The following DYNC2H1 variants were observed in gnomAD, a reference collection of about 807,000 sequenced individuals.
The protein encoded by DYNC2H1 is cytoplasmic dynein 2 heavy chain 1.
A neutral mutation model predicts 570.0 loss-of-function variants in DYNC2H1; 410 were observed. The ratio of observed to expected loss-of-function variants is 0.72; its 90% CI spans 0.66 to 0.78. The LOEUF is 0.78. DYNC2H1 is among the 30% of genes least tolerant of loss of function. The probability of loss-of-function intolerance (pLI) is 0.00; values close to 1 mark genes in which losing one functional copy is unlikely to be tolerated. For synonymous variants in DYNC2H1, 1,688 were observed against 1,677.6 expected, an observed-to-expected ratio of 1.01 and a Z score of -0.15; for missense variants, 4,865 against 5,046.4, an observed-to-expected ratio of 0.96 and a Z score of 1.09.
chr11:103,396,258 T>G (rs11225765), intron 83 of DYNC2H1, among the ~76,000 whole-genome samples: 28,392 of 152,136 alleles, frequency 0.19, 2,971 homozygotes, highest in African/African-American at 0.26. Flanking sequence ...CAAGTGATAA[T>G]CTAGTTGAGA....
rs1370923890 is a variant in DYNC2H1 at position 103,228,631 on chromosome 11, G to A, written c.9354-2629G>A. Reference sequence around the variant, plus strand: ...GAACTCTGTGATGGTCATTGGTTGTGTTTTTGTTTAGTGTGCTGGTTTTGT... The same window carrying A: ...GAACTCTGTGATGGTCATTGGTTGTATTTTTGTTTAGTGTGCTGGTTTTGT... On this transcript the variant is annotated intron_variant, in intron 59 of 88. Transcript: ENST00000375735. This position sits in a 1 kb window ranked among gnomAD's most constrained non-coding sequence, Gnocchi z 6.1. 2.6e-5 allele frequency among the ~76,000 whole-genome samples: 4 copies of A among 152,078 alleles called. No homozygotes were observed. Among genetic ancestry groups the A allele is most frequent in the Non-Finnish European group, 5.9e-5 (4 of 68,004 alleles).
rs1214801816 is a variant in DYNC2H1 at position 103,199,458 on chromosome 11, C to T, written c.8070C>T (p.Phe2690=). 1 of 1,574,228 alleles carries T rather than the reference C, an allele frequency of 6.4e-7. No homozygotes were observed. The highest frequency in any genetic ancestry group is 1.4e-5 in the African/African-American group (1 of 73,894). The part of the protein sequence containing the change: ...KISRGYELKQ[F]KNDLKHVLQL... ...CCAGAGGATATGAACTGAAGCAGTT[C>T]AAAAATGATCTCAAACATGTGAGTT... is the stretch of plus-strand genomic sequence containing the variant. Residue 2690 remains phenylalanine, a synonymous_variant, in exon 49 of 89, where the codon TTC becomes TTT. Coordinates refer to ENST00000375735, the MANE Select transcript of DYNC2H1 (RefSeq NM_001377.3). This position sits in a 1 kb window ranked among gnomAD's most constrained non-coding sequence, Gnocchi z 4.6.
chr11:103,370,188 T>C (rs955140004), intron 83 of DYNC2H1, among the ~76,000 whole-genome samples: 4 of 152,242 alleles, frequency 2.6e-5, no homozygotes, highest in Admixed American at 6.5e-5. Context: ...AGAGGCTCCT[T>C]ATGAGCCTGT....
chr11:103,223,988 C>T (rs1863701491), intron 59 of DYNC2H1, among the ~76,000 whole-genome samples: 1 of 151,918 alleles, frequency 6.6e-6, no homozygotes, highest in South Asian at 2.1e-4. Context: ...CCTAGTGATC[C>T]GCCCACCTCC....
intron 60 of DYNC2H1, among the ~76,000 whole-genome samples, chr11:103,231,572 A>T (rs1277345307): frequency 7.9e-6 from 1 of 126,980 alleles, no homozygotes; most frequent in Non-Finnish European, 1.7e-5. Context: ...TGCAAATGTT[A>T]TACTCAAGTT....
intron 65 of DYNC2H1, among the ~76,000 whole-genome samples, chr11:103,251,832 G>C (rs1184784478): frequency 6.6e-6 from 1 of 152,058 alleles, no homozygotes; most frequent in African/African-American, 2.4e-5. Flanking sequence ...ACATGTTATG[G>C]CAAATGGCAG....
At chr11:103,141,229 CTT>C (rs1173858973) in intron 17 of DYNC2H1, among the ~76,000 whole-genome samples, 2 of 152,254 alleles carry the variant, frequency 1.3e-5, no homozygotes, top group African/African-American at 4.8e-5. Context: ...CTCCGTCCAG[CTT>C]TGTTCCGTTA....
chr11:103,171,989 G>A (rs1048602482), intron 34 of DYNC2H1, among the ~76,000 whole-genome samples: 4 of 152,092 alleles, frequency 2.6e-5, no homozygotes, highest in Admixed American at 6.6e-5. Flanking sequence ...TACAGAAAAC[G>A]TAAACTTTTT....
intron 88 of DYNC2H1, among the ~76,000 whole-genome samples, chr11:103,478,346 A>G (rs181420994): frequency 1.6e-3 from 244 of 152,342 alleles, no homozygotes; most frequent in African/African-American, 5.1e-3. Flanking sequence ...CCTGCTTGGA[A>G]TAAGGAATGA....
Position 103,113,516 on chromosome 11 carries a change from A to T in DYNC2H1, c.196-21A>T, listed in dbSNP as rs563660804. On this transcript the variant is annotated intron_variant, in intron 1 of 88. Transcript: ENST00000375735. ...TATTAAATTTTATGAAGATAACATT[A>T]AAAATCATTTATCACTTTAGATTGA... 42 of 1,487,488 alleles carry T rather than the reference A, an allele frequency of 2.8e-5. No homozygotes were observed. In the African/African-American group the frequency reaches 5.6e-4, roughly 20 times the overall value. The allele number at this position is 1,487,488 out of a possible 1,614,324, so 92.1% of individuals were successfully genotyped here.
chr11:103,457,628 AAAACATAAACACATTGT>A (rs1944841418), intron 87 of DYNC2H1, among the ~76,000 whole-genome samples: 2 of 152,232 alleles, frequency 1.3e-5, no homozygotes, highest in Admixed American at 1.3e-4. Context: ...CACTTAGCTT[AAAACATAAACACATTGT>A]ACAGATACGC....
intron 18 of DYNC2H1, among the ~76,000 whole-genome samples, chr11:103,146,247 C>G (rs1357096455): frequency 6.6e-6 from 1 of 152,124 alleles, no homozygotes; most frequent in Non-Finnish European, 1.5e-5. Flanking sequence ...AGGATCTCAC[C>G]TGGCTCTATG....
At chr11:103,192,555 G>T (rs1348604561) in intron 47 of DYNC2H1, among the ~76,000 whole-genome samples, 1 of 152,016 alleles carries the variant, frequency 6.6e-6, no homozygotes, top group Admixed American at 6.5e-5. Flanking sequence ...ACAGTTACAT[G>T]TATATAAAAC....
rs563385916 is a variant in DYNC2H1 at position 103,408,781 on chromosome 11, G to A, written c.12366+8909G>A. Among the ~76,000 whole-genome samples the A allele has an allele frequency of 2.4e-4, 36 of 152,120 alleles. No individual in the cohort carries two copies. In the South Asian group the frequency reaches 7.5e-3, roughly 32 times the overall value. ...CAGTTAAATTATTGGGTCAATATAT[G>A]TTAACTCGCTTAGACTAGTGCCATT... is the stretch of plus-strand genomic sequence containing the variant. On this transcript the variant is annotated intron_variant, in intron 84 of 88. Coordinates refer to ENST00000375735, the MANE Select transcript of DYNC2H1 (RefSeq NM_001377.3).
At chr11:103,447,345 CT>C (rs1944456984) in intron 85 of DYNC2H1, among the ~76,000 whole-genome samples, 1 of 151,244 alleles carries the variant, frequency 6.6e-6, no homozygotes, top group Admixed American at 6.6e-5. Flanking sequence ...CTAGACAAGA[CT>C]ATGTCTATTA....
Position 103,286,247 on chromosome 11 carries a change from T to G in DYNC2H1, c.10891-8T>G. ...AGCTCACTGTATATGGCCATTTTTA[T>G]TTTTTAGATTGCTCTCCCCAGTCTT... is the stretch of plus-strand genomic sequence containing the variant. On this transcript the variant is annotated splice_region_variant and splice_polypyrimidine_tract_variant and intron_variant, in intron 73 of 88. Transcript: ENST00000375735. 6.2e-7 allele frequency: 1 copy of G among 1,612,490 alleles called. No homozygotes were observed. The highest frequency in any genetic ancestry group is 8.5e-7 in the Non-Finnish European group (1 of 1,179,492).
Position 103,186,494 on chromosome 11 carries a change from G to T in DYNC2H1, c.6886G>T (p.Gly2296Cys). Residue 2296 changes from glycine to cysteine, a missense_variant, in exon 42 of 89, where the codon GGC becomes TGC. Transcript: ENST00000375735. This position sits in a 1 kb window ranked among gnomAD's most constrained non-coding sequence, Gnocchi z 4.5. Reference sequence around the variant, plus strand: ...TATTCTGGTAGGACCAGAAGGATGTGGCAAAGGGTAAGAAAAATATTGGCA... The same window carrying T: ...TATTCTGGTAGGACCAGAAGGATGTTGCAAAGGGTAAGAAAAATATTGGCA... The part of the protein sequence containing the change: ...PFILVGPEGC[G>C]KGMLLRYAFS... The T allele has an allele frequency of 6.2e-7, 1 of 1,609,658 alleles. No individual in the cohort carries two copies. Among genetic ancestry groups the T allele is most frequent in the South Asian group, 1.1e-5 (1 of 90,994 alleles).
At chr11:103,169,797 T>C (rs2134962605) in intron 32 of DYNC2H1, among the ~76,000 whole-genome samples, 1 of 152,322 alleles carries the variant, frequency 6.6e-6, no homozygotes, top group South Asian at 2.1e-4. Flanking sequence ...GGATGATTAC[T>C]GTATAATAAT....
Position 103,199,360 on chromosome 11 carries a change from G to T in DYNC2H1, c.7972G>T (p.Gly2658Cys). The T allele has an allele frequency of 6.2e-7, 1 of 1,612,478 alleles. No individual in the cohort carries two copies. Among genetic ancestry groups the T allele is most frequent in the South Asian group, 1.1e-5 (1 of 91,002 alleles). ...TTCACTTCTATTAGCAGGACGCAGT[G>T]GTGTAGGTCGTCGGACCATCACTTC... ...GGSLLLAGRSGVGRRTITSLV... is the reference protein window; with the variant it reads ...GGSLLLAGRSCVGRRTITSLV... The change falls in exon 49 of 89, where the codon GGT becomes TGT. Residue 2658 changes from glycine to cysteine, a missense_variant. Transcript: ENST00000375735. The surrounding 1 kb of genome is among the most constrained non-coding windows in gnomAD (Gnocchi z 4.6).
Sources: allele counts gnomAD v4.1 joint callset (sites outside exome capture counted in the v4.1 genomes callset), GRCh38; gene constraint gnomAD v4.1.1; non-coding constraint Gnocchi (gnomAD v3.1); transcripts MANE v1.5; gene names NCBI Gene and HGNC (gene_info 2026-07-23, HGNC 2026-07-21).